Variants in ZNF225 observed in about 807,000 individuals in gnomAD.
ZNF225 encodes zinc finger protein 225.
ZNF225 carries 6 observed loss-of-function variants against 12.0 expected under a neutral mutation model. That is an observed-to-expected ratio of 0.50 (90% CI 0.27 to 0.98). The LOEUF (loss-of-function observed/expected upper bound fraction) is 0.98, where lower values mean the gene tolerates loss of function less well. ZNF225 is among the 50% of genes least tolerant of loss of function. The probability of loss-of-function intolerance (pLI) is 0.11; values close to 1 mark genes in which losing one functional copy is unlikely to be tolerated. For synonymous variants in ZNF225, 271 were observed against 283.2 expected (o/e 0.96, Z 0.43); for missense variants, 763 against 848.2 (o/e 0.90, Z 1.25).
chr19:44,123,536 T>C (rs1968092767), intron 4 of ZNF225, among the ~76,000 whole-genome samples: 1 of 152,216 alleles, frequency 6.6e-6, no homozygotes, highest in African/African-American at 2.4e-5. Context: ...TCCTTCTTTC[T>C]CTATCTTGTG....
chr19:44,128,106 A>AGTGTACATCACCAATGTAC (rs374196856), intron 4 of ZNF225, among the ~76,000 whole-genome samples: 7,490 of 151,942 alleles, frequency 0.049, 625 homozygotes, highest in African/African-American at 0.17. Context: ...TGCCTCTTCC[A>AGTGTACATCACCAATGTAC]ATGTACATCA....
upstream of ZNF225, chr19:44,112,017 G>T (rs1452598411): frequency 6.6e-6 from 1 of 152,220 alleles, no homozygotes; most frequent in Non-Finnish European, 1.5e-5. Context: ...TAGAGGAAGG[G>T]GTCTCCGAGC....
At chr19:44,122,020 T>C (rs1434709512) in intron 4 of ZNF225, among the ~76,000 whole-genome samples, 1 of 152,232 alleles carries the variant, frequency 6.6e-6, no homozygotes, top group Non-Finnish European at 1.5e-5. Flanking sequence ...ATTATTTATC[T>C]TTGTTTTTAT....
Position 44,130,831 on chromosome 19 carries a change from T to C in ZNF225, c.236-19T>C. On this transcript the variant is annotated intron_variant, in intron 4 of 4. Coordinates refer to ENST00000262894, the MANE Select transcript of ZNF225 (RefSeq NM_013362.4). ...AAAAGCTTTACTTGCCCACATCTCT[T>C]AATTCTGTGTCATTATAGGAGGCAA... 1 of 1,589,418 alleles carries C rather than the reference T, an allele frequency of 6.3e-7. No homozygotes were observed. Among genetic ancestry groups the C allele is most frequent in the Non-Finnish European group, 8.6e-7 (1 of 1,168,990 alleles).
upstream of ZNF225, among the ~76,000 whole-genome samples, chr19:44,112,496 TTAAAA>T (rs1967852549): frequency 6.6e-6 from 1 of 152,264 alleles, no homozygotes; most frequent in Non-Finnish European, 1.5e-5. Context: ...ATTATGTGCC[TTAAAA>T]TAATTTTGTT....
intron 4 of ZNF225, among the ~76,000 whole-genome samples, chr19:44,128,247 C>A (rs149274957): frequency 5.9e-5 from 9 of 152,142 alleles, no homozygotes; most frequent in Non-Finnish European, 8.8e-5. Context: ...TGTTTGATAG[C>A]GTGGTATATA....
intron 3 of ZNF225, 77 bp downstream of exon 3, chr19:44,118,391 A>G (rs2147555518): frequency 1.9e-6 from 3 of 1,610,312 alleles, no homozygotes; most frequent in Non-Finnish European, 2.5e-6. Flanking sequence ...AAGTTTGAGT[A>G]TGCATTGGGA....
intron 4 of ZNF225, among the ~76,000 whole-genome samples, chr19:44,122,744 AT>A (rs1283035531): frequency 6.6e-6 from 1 of 151,146 alleles, no homozygotes. Flanking sequence ...TGAGTATTTG[AT>A]TTTTTTTGCA....
intron 4 of ZNF225, among the ~76,000 whole-genome samples, chr19:44,119,766 A>G (rs1438010942): frequency 2.0e-5 from 3 of 152,162 alleles, no homozygotes; most frequent in Admixed American, 6.5e-5. Context: ...TTTATGAATC[A>G]TTGTTCTGTC....
chr19:44,120,349 T>G (rs765895275), intron 4 of ZNF225, among the ~76,000 whole-genome samples: 2 of 152,240 alleles, frequency 1.3e-5, no homozygotes, highest in African/African-American at 2.4e-5. Flanking sequence ...TTAGCTGTTT[T>G]GCTCATGGCT....
intron 4 of ZNF225, among the ~76,000 whole-genome samples, chr19:44,119,039 A>C (rs1035245615): frequency 1.2e-4 from 18 of 152,062 alleles, no homozygotes; most frequent in African/African-American, 4.3e-4. Flanking sequence ...GATGGTCTCG[A>C]TCTCCTGACC....
rs556979008 is a variant in ZNF225, at chr19:44,118,919, C to A, written c.235+345C>A. Among the ~76,000 whole-genome samples the A allele has an allele frequency of 3.9e-5, 6 of 152,044 alleles. No homozygotes were observed. The East Asian group carries it at 1.2e-3, about 30-fold the overall frequency. On this transcript the variant is annotated intron_variant, in intron 4 of 4. Transcript: ENST00000262894. Reference sequence around the variant, plus strand: ...GCAAGCTCCGCTTCCCGGGTTCACGCCATTCTCCTGCCTCAGCCTCCTGAG... The same window carrying A: ...GCAAGCTCCGCTTCCCGGGTTCACGACATTCTCCTGCCTCAGCCTCCTGAG...
At chr19:44,111,730 G>A (rs1427834045), upstream of ZNF225, among the ~76,000 whole-genome samples, 2 of 152,170 alleles carry the variant, frequency 1.3e-5, no homozygotes, top group Non-Finnish European at 2.9e-5. Context: ...TCCAAAATAG[G>A]TAATAGAAAA....
chr19:44,112,849 G>A (rs1240840321), upstream of ZNF225: 1 of 152,198 alleles, frequency 6.6e-6, no homozygotes, highest in African/African-American at 2.4e-5. Flanking sequence ...TTAACTCCTC[G>A]AAGACTGTGT....
Position 44,127,156 on chromosome 19 carries a change from T to G in ZNF225, c.236-3694T>G, listed in dbSNP as rs115252849. Among the ~76,000 whole-genome samples, 1,318 of 152,334 alleles carry G rather than the reference T, an allele frequency of 8.7e-3. 14 individuals are homozygous for G. Among genetic ancestry groups the G allele is most frequent in the African/African-American group, 0.028 (1,156 of 41,570 alleles). ...CTCCTCTGGCTGCCTTCCTGATGGA[T>G]CCCTGTGATGCCAGGCAAGAATGGC... is the stretch of plus-strand genomic sequence containing the variant. On this transcript the variant is annotated intron_variant, in intron 4 of 4. Coordinates refer to ENST00000262894, the MANE Select transcript of ZNF225 (RefSeq NM_013362.4).
upstream of ZNF225, among the ~76,000 whole-genome samples, chr19:44,111,774 T>C (rs1315573202): frequency 6.6e-6 from 1 of 152,182 alleles, no homozygotes; most frequent in African/African-American, 2.4e-5. Context: ...AGGAATGGGA[T>C]TATGGACAAC....
At chr19:44,119,327 C>T (rs1490189577) in intron 4 of ZNF225, among the ~76,000 whole-genome samples, 2 of 152,162 alleles carry the variant, frequency 1.3e-5, no homozygotes, top group Non-Finnish European at 2.9e-5. Context: ...CACATTTAGT[C>T]GACTAAACAA....
chr19:44,114,941 A>AT (rs112295053), intron 1 of ZNF225, among the ~76,000 whole-genome samples: 3,331 of 148,918 alleles, frequency 0.022, 124 homozygotes, highest in African/African-American at 0.076. Context: ...ATTATTTTGA[A>AT]TTTTTTTTTT....
chr19:44,112,602 A>C (rs1302181408), upstream of ZNF225, among the ~76,000 whole-genome samples: 3 of 152,224 alleles, frequency 2.0e-5, no homozygotes, highest in Non-Finnish European at 4.4e-5. Context: ...AAAGGAAAAA[A>C]GCTTTTTGGT....
Sources: gnomAD v4.1 joint callset for allele counts (sites outside exome capture counted in the v4.1 genomes callset) on GRCh38, gnomAD v4.1.1 for gene constraint, MANE v1.5 for transcripts, NCBI Gene and HGNC (gene_info 2026-07-23, HGNC 2026-07-21) for gene names.